Variants in TRAF3IP3 observed in about 807,000 individuals in gnomAD.
TRAF3IP3 encodes TRAF3-interacting JNK-activating modulator.
A neutral mutation model predicts 86.5 loss-of-function variants in TRAF3IP3; 64 were observed. The observed-to-expected ratio is 0.74, with a 90% CI of 0.60 to 0.91. The LOEUF is 0.91. TRAF3IP3 is among the 40% of genes least tolerant of loss of function. The pLI, the probability that TRAF3IP3 is intolerant of heterozygous loss-of-function variation, is 0.00. For missense variants in TRAF3IP3, 579 were observed against 642.9 expected (o/e 0.90, Z 1.07); for synonymous variants, 220 against 243.9 (o/e 0.90, Z 0.91).
intron 14 of TRAF3IP3, chr1:209,779,872 A>G (rs1037587698): frequency 4.8e-6 from 1 of 210,250 alleles, no homozygotes; most frequent in Non-Finnish European, 9.6e-6. Flanking sequence ...TGGGCATAAT[A>G]TAATAGATAA....
At position 209,760,287 on chromosome 1, in the gene TRAF3IP3, A is replaced by C. The variant is rs748958838; in HGVS notation, c.248A>C (p.Gln83Pro). 3 of 1,614,200 alleles carry C rather than the reference A, an allele frequency of 1.9e-6. No individual in the cohort carries two copies. The highest frequency in any genetic ancestry group is 2.5e-6 in the Non-Finnish European group (3 of 1,180,030). Residue 83 changes from glutamine (Q) to proline (P), a missense_variant, in exon 3 of 17, where the codon CAG becomes CCG. Gln to Pro is a moderately conservative substitution (Grantham distance 76, BLOSUM62 -1). Coordinates refer to ENST00000367025, the MANE Select transcript of TRAF3IP3 (RefSeq NM_025228.4). ...GAGAAGGGCAAAGCGCAGCATCCCC[A>C]GGCCAGGGAGCAAGGGCCCTCCAGG... ...LEEKGKAQHP[Q>P]AREQGPSRRP... is the part of the protein sequence containing the mutation.
At chr1:209,775,290 C>T (rs2077627670) in intron 9 of TRAF3IP3, 59 bp from the exon 10 acceptor site, 26 of 1,509,878 alleles carry the variant, frequency 1.7e-5, no homozygotes, top group Non-Finnish European at 2.3e-5. Flanking sequence ...TGTATCCCAG[C>T]TCAGGATTTG....
intron 15 of TRAF3IP3, 24 bp downstream of exon 15, chr1:209,780,630 G>A: frequency 6.6e-7 from 1 of 1,524,216 alleles, no homozygotes; most frequent in Non-Finnish European, 8.9e-7. Context: ...CTGAGATAGT[G>A]AGGGCTCATT....
Position 209,779,376 on chromosome 1 carries a change from T to C in TRAF3IP3, c.1312+2T>C. The C allele has an allele frequency of 2.5e-6, 4 of 1,613,258 alleles. No individual in the cohort carries two copies. In the East Asian group the frequency reaches 6.7e-5, roughly 27 times the overall value. Reference sequence around the variant, plus strand: ...AGGAGAAACTCTTAACAAAGAAAGGTCAGCAAATTTATTACCACAAATTCT... The same window carrying C: ...AGGAGAAACTCTTAACAAAGAAAGGCCAGCAAATTTATTACCACAAATTCT... On this transcript the variant is annotated splice_donor_variant, in intron 14 of 16. Coordinates refer to ENST00000367025, the MANE Select transcript of TRAF3IP3 (RefSeq NM_025228.4). LOFTEE classifies it high-confidence loss of function.
intron 8 of TRAF3IP3, among the ~76,000 whole-genome samples, chr1:209,771,119 A>G (rs1457116492): frequency 2.7e-4 from 22 of 81,198 alleles, no homozygotes; most frequent in African/African-American, 5.0e-4. Context: ...TGCATGTGGA[A>G]GTGTGCGTGT....
intron 9 of TRAF3IP3, among the ~76,000 whole-genome samples, chr1:209,774,135 C>T (rs1051822687): frequency 6.6e-6 from 1 of 152,158 alleles, no homozygotes; most frequent in Non-Finnish European, 1.5e-5. Context: ...CTGCCTTCTC[C>T]GAAATCACAG....
At chr1:209,777,717 T>C in intron 12 of TRAF3IP3, 2 of 511,258 alleles carry the variant, frequency 3.9e-6, no homozygotes, top group Non-Finnish European at 3.4e-6. Context: ...CTGAGCTCTC[T>C]TTTTTAGCCC....
chr1:209,764,943 T>C (rs1327902305), intron 8 of TRAF3IP3, among the ~76,000 whole-genome samples: 1 of 151,350 alleles, frequency 6.6e-6, no homozygotes, highest in Non-Finnish European at 1.5e-5. Flanking sequence ...GGAAGGCTGA[T>C]GCAGGAAGAT....
intron 1 of TRAF3IP3, among the ~76,000 whole-genome samples, chr1:209,758,069 G>A (rs1487724433): frequency 6.6e-6 from 1 of 152,218 alleles, no homozygotes; most frequent in Non-Finnish European, 1.5e-5. Flanking sequence ...GGGATGCTGT[G>A]AGTGTAGGTT....
chr1:209,773,445 G>GT (rs1223609199), intron 9 of TRAF3IP3, among the ~76,000 whole-genome samples: 1 of 152,138 alleles, frequency 6.6e-6, no homozygotes, highest in African/African-American at 2.4e-5. Context: ...ACTTTTTTCT[G>GT]TTTTTTCTAG....
At position 209,777,544 on chromosome 1, in the gene TRAF3IP3, A is replaced by G. The variant is rs528839378; in HGVS notation, c.1189+57A>G. On this transcript the variant is annotated intron_variant, in intron 12 of 16. Coordinates refer to ENST00000367025, the MANE Select transcript of TRAF3IP3 (RefSeq NM_025228.4). ...GGCAGCCATGGCCAAGTGAGCTAAG[A>G]AAAAAGAAACTGAATTAAGAGAAAG... is the stretch of plus-strand genomic sequence containing the variant. The G allele has an allele frequency of 5.0e-5, 75 of 1,509,640 alleles. No individual in the cohort carries two copies. In the African/African-American group the frequency reaches 1.0e-3, roughly 20 times the overall value. 93.5% of individuals were successfully genotyped at this position (1,509,640 alleles called of 1,614,324 possible).
At chr1:209,768,201 G>C in intron 8 of TRAF3IP3, 1 of 985,338 alleles carries the variant, frequency 1.0e-6, no homozygotes, top group Non-Finnish European at 1.2e-6. Flanking sequence ...TTTGCCATTT[G>C]ACCTTCATAA....
chr1:209,760,927 C>T (rs947200592), intron 3 of TRAF3IP3, among the ~76,000 whole-genome samples: 1 of 152,128 alleles, frequency 6.6e-6, no homozygotes, highest in African/African-American at 2.4e-5. Flanking sequence ...GAGGGAGACC[C>T]TATCTCTAAA....
intron 13 of TRAF3IP3, 177 bp from the exon 14 acceptor site, chr1:209,779,138 G>A (rs2077722322): frequency 1.7e-6 from 1 of 604,778 alleles, no homozygotes. Flanking sequence ...CTCCAAATAA[G>A]GTCATTATTT....
chr1:209,766,247 G>A (rs1001687214), intron 8 of TRAF3IP3, among the ~76,000 whole-genome samples: 1 of 152,194 alleles, frequency 6.6e-6, no homozygotes, highest in East Asian at 1.9e-4. Context: ...CATTTTCATT[G>A]ACAGAGCAGG....
At chr1:209,762,426 G>GATAA (rs1489023423) in intron 3 of TRAF3IP3, 89 bp from the exon 4 acceptor site, 2 of 1,329,116 alleles carry the variant, frequency 1.5e-6, no homozygotes, top group Non-Finnish European at 2.0e-6. Context: ...TAACAAACAT[G>GATAA]ATGGTTAGTT....
chr1:209,771,729 G>T (rs375178247), intron 8 of TRAF3IP3, among the ~76,000 whole-genome samples: 1 of 144,002 alleles, frequency 6.9e-6, no homozygotes, highest in African/African-American at 2.6e-5. Flanking sequence ...GGAAGTGTAC[G>T]TGTGCATGTG....
At chr1:209,777,788 C>A in intron 12 of TRAF3IP3, 1 of 509,070 alleles carries the variant, frequency 2.0e-6, no homozygotes, top group Non-Finnish European at 3.5e-6. Context: ...GGCCACAGTC[C>A]TAATTTGAAA....
intron 16 of TRAF3IP3, 70 bp downstream of exon 16, chr1:209,781,528 C>A: frequency 8.4e-7 from 1 of 1,185,360 alleles, no homozygotes; most frequent in Non-Finnish European, 1.3e-6. Context: ...AAGTTTTGCA[C>A]ATAAAATATA....
Sources: gnomAD v4.1 joint callset for allele counts (sites outside exome capture counted in the v4.1 genomes callset) on GRCh38, gnomAD v4.1.1 for gene constraint, MANE v1.5 for transcripts, NCBI Gene and HGNC (gene_info 2026-07-23, HGNC 2026-07-21) for gene names.